Variants in GRIN2A observed in about 807,000 individuals in gnomAD.
GRIN2A encodes the protein glutamate receptor ionotropic, NMDA 2A.
GRIN2A carries 22 observed loss-of-function variants against 113.4 expected under a neutral mutation model. That is an observed-to-expected ratio of 0.19 (90% CI 0.14 to 0.28). GRIN2A has a LOEUF of 0.28. Ranked by LOEUF, GRIN2A falls within the 10% of genes least tolerant of loss-of-function variation. GRIN2A has a pLI of 1.00. For synonymous variants in GRIN2A, 827 were observed against 738.4 expected (o/e 1.12, Z -1.94); for missense variants, 1,502 against 1,887.0 (o/e 0.80, Z 3.78).
intron 3 of GRIN2A, among the ~76,000 whole-genome samples, chr16:9,891,468 T>A (rs2043693784): frequency 6.6e-6 from 1 of 152,208 alleles, no homozygotes; most frequent in Non-Finnish European, 1.5e-5. Context: ...AAAATGACAT[T>A]CCATTATTCA....
rs550413719 is a variant in GRIN2A, at chr16:10,011,408, G to A, written c.415-72857C>T. On this transcript the variant is annotated intron_variant, in intron 2 of 12. Coordinates refer to ENST00000330684, the MANE Select transcript of GRIN2A (RefSeq NM_001134407.3). ...GACATCAGCATCCAACCATTCTTCT[G>A]TAAGTAGCAATATTCTATTTCCTTT... 2.6e-5 allele frequency among the ~76,000 whole-genome samples: 4 copies of A among 152,268 alleles called. No homozygotes were observed. In the East Asian group the frequency reaches 7.7e-4, roughly 29 times the overall value.
intron 3 of GRIN2A, among the ~76,000 whole-genome samples, chr16:9,930,667 AG>A (rs1387449819): frequency 6.6e-6 from 1 of 152,176 alleles, no homozygotes; most frequent in Non-Finnish European, 1.5e-5. Flanking sequence ...ACATTCACCT[AG>A]GGAAGTTTTA....
chr16:10,139,022 G>A (rs2049264254), intron 2 of GRIN2A, among the ~76,000 whole-genome samples: 1 of 152,200 alleles, frequency 6.6e-6, no homozygotes, highest in Non-Finnish European at 1.5e-5. Flanking sequence ...AAAAAGAACA[G>A]AACAGGCTTG....
At chr16:9,919,324 A>G (rs997730837) in intron 3 of GRIN2A, among the ~76,000 whole-genome samples, 25 of 152,126 alleles carry the variant, frequency 1.6e-4, no homozygotes, top group Non-Finnish European at 2.5e-4. Context: ...GGTTTATTTC[A>G]TGGTGGAAAA....
At chr16:9,931,761 G>A (rs989467329) in intron 3 of GRIN2A, among the ~76,000 whole-genome samples, 6 of 152,082 alleles carry the variant, frequency 3.9e-5, no homozygotes, top group Non-Finnish European at 5.9e-5. Flanking sequence ...ACACACACAC[G>A]CACACAAAAA....
chr16:9,766,734 A>G (rs1341000749), intron 12 of GRIN2A, among the ~76,000 whole-genome samples: 1 of 152,160 alleles, frequency 6.6e-6, no homozygotes, highest in African/African-American at 2.4e-5. Context: ...AAAAATAAAT[A>G]AGTAAATAAA....
chr16:9,763,537 A>G lies in GRIN2A; in HGVS notation c.4007T>C (p.Leu1336Pro). ...GAAAAGGGAGCTTTTTTTCCCCGAG[A>G]GTTTGCTTGAGGGGACACTAAACAG... ...GSLFSVPSSK[L>P]SGKKSSLFPQ... The change falls in exon 13 of 13, where the codon CTC (leucine) becomes CCC (proline). Residue 1336 changes from leucine (L) to proline (P), a missense_variant. Physicochemically the swap from Leu to Pro is moderately conservative, Grantham distance 98 (BLOSUM62 -3). Coordinates refer to ENST00000330684, the MANE Select transcript of GRIN2A (RefSeq NM_001134407.3). The G allele has an allele frequency of 6.2e-7, 1 of 1,613,716 alleles. No individual in the cohort carries two copies. Among genetic ancestry groups the G allele is most frequent in the Non-Finnish European group, 8.5e-7 (1 of 1,179,936 alleles).
At chr16:10,122,975 CT>C (rs1472103343) in intron 2 of GRIN2A, among the ~76,000 whole-genome samples, 2 of 152,164 alleles carry the variant, frequency 1.3e-5, no homozygotes, top group Non-Finnish European at 2.9e-5. Context: ...ATTCCGATGT[CT>C]AAGAAAGCAG....
chr16:10,039,803 G>GGGGA (rs1567253881), intron 2 of GRIN2A, among the ~76,000 whole-genome samples: 53 of 77,154 alleles, frequency 6.9e-4, no homozygotes, highest in Non-Finnish European at 1.4e-3. Context: ...GGAGGGGGAG[G>GGGGA]GGGGGGAGAA....
At chr16:10,051,895 GTAAAGAC>G (rs1209607144) in intron 2 of GRIN2A, among the ~76,000 whole-genome samples, 1 of 152,212 alleles carries the variant, frequency 6.6e-6, no homozygotes, top group Non-Finnish European at 1.5e-5. Flanking sequence ...TAGGTATTTT[GTAAAGAC>G]TACACTTGCA....
chr16:9,917,151 T>G (rs1421384925), intron 3 of GRIN2A, among the ~76,000 whole-genome samples: 1 of 152,240 alleles, frequency 6.6e-6, no homozygotes, highest in Non-Finnish European at 1.5e-5. Flanking sequence ...CAGCTTTCAG[T>G]AGAAACATCA....
chr16:9,784,255 C>G (rs1487058086), intron 11 of GRIN2A, among the ~76,000 whole-genome samples: 2 of 152,028 alleles, frequency 1.3e-5, no homozygotes, highest in East Asian at 1.9e-4. Flanking sequence ...CATGGCAAAA[C>G]CCAGTCTCTA....
intron 2 of GRIN2A, among the ~76,000 whole-genome samples, chr16:9,997,466 A>G (rs1242880356): frequency 6.6e-6 from 1 of 151,926 alleles, no homozygotes; most frequent in Non-Finnish European, 1.5e-5. Context: ...TTTCAATTTG[A>G]TTCATTTATA....
Position 10,180,353 on chromosome 16 carries a change from C to T in GRIN2A, c.59G>A (p.Gly20Asp), listed in dbSNP as rs2050242121. 1.9e-6 allele frequency: 3 copies of T among 1,608,328 alleles called. No homozygotes were observed. Among genetic ancestry groups the T allele is most frequent in the East Asian group, 2.2e-5 (1 of 44,848 alleles). Residue 20 changes from glycine to aspartate, a missense_variant, in exon 2 of 13, where the codon GGT (glycine) becomes GAT (aspartate). Gly to Asp is a moderately conservative substitution (Grantham distance 94). Transcript: ENST00000330684. This position sits in a 1 kb window ranked among gnomAD's most constrained non-coding sequence, Gnocchi z 7.0. ...LVLPALLVWR[G>D]PAPSAAAEKG... ...CTCCGCCGCCGCGCTCGGCGCCGGA[C>T]CGCGCCAGACCAGAAGGGCCGGCAG...
At chr16:9,896,689 A>G (rs2141500057) in intron 3 of GRIN2A, among the ~76,000 whole-genome samples, 1 of 152,256 alleles carries the variant, frequency 6.6e-6, no homozygotes, top group African/African-American at 2.4e-5. Context: ...GGGGGAAAAA[A>G]AAACCTCTAA....
At chr16:9,817,339 T>C (rs781624021) in intron 10 of GRIN2A, among the ~76,000 whole-genome samples, 1 of 152,122 alleles carries the variant, frequency 6.6e-6, no homozygotes, top group African/African-American at 2.4e-5. Context: ...ATAATAAAGA[T>C]TCACAGGCTC....
chr16:9,777,381 A>G (rs939721542), intron 11 of GRIN2A, among the ~76,000 whole-genome samples: 15 of 152,226 alleles, frequency 9.9e-5, no homozygotes, highest in African/African-American at 3.4e-4. Flanking sequence ...TCACTGAACT[A>G]TTTGCCGAAG....
chr16:10,021,151 G>A (rs2046713102), intron 2 of GRIN2A, among the ~76,000 whole-genome samples: 1 of 152,160 alleles, frequency 6.6e-6, no homozygotes, highest in African/African-American at 2.4e-5. Context: ...TGGGTGGGTG[G>A]GAGAGGGAAG....
intron 4 of GRIN2A, among the ~76,000 whole-genome samples, chr16:9,853,193 G>A (rs2042914346): frequency 6.6e-6 from 1 of 152,176 alleles, no homozygotes; most frequent in African/African-American, 2.4e-5. Context: ...CCAGATAGGT[G>A]GAGACCAGAA....
Sources: gnomAD v4.1 joint callset for allele counts (sites outside exome capture counted in the v4.1 genomes callset) on GRCh38, gnomAD v4.1.1 for gene constraint, Gnocchi (gnomAD v3.1) non-coding constraint, MANE v1.5 for transcripts, NCBI Gene and HGNC (gene_info 2026-07-23, HGNC 2026-07-21) for gene names.